The following SENP6 variants were observed in gnomAD, a reference collection of about 807,000 sequenced individuals.
SENP6 encodes the protein SUMO specific peptidase 6, also known as sentrin-specific protease 6.
SENP6 carries 41 observed loss-of-function variants against 134.5 expected under a neutral mutation model. That is an observed-to-expected ratio of 0.30 (90% CI 0.24 to 0.40). The LOEUF (loss-of-function observed/expected upper bound fraction) is 0.40. Among genes scored for constraint, SENP6 ranks in the 10% least tolerant of loss-of-function variants. The probability of loss-of-function intolerance (pLI) is 1.00; values close to 1 mark genes in which losing one functional copy is unlikely to be tolerated. For missense variants in SENP6, 1,248 were observed against 1,312.5 expected (o/e 0.95, Z 0.76); for synonymous variants, 395 against 429.8 (o/e 0.92, Z 1.00).
Position 75,703,088 on chromosome 6 carries a change from T to G in SENP6, c.2716+16T>G. 6.6e-7 allele frequency: 1 copy of G among 1,525,626 alleles called. No individual in the cohort carries two copies. The allele number at this position is 1,525,626 out of a possible 1,614,324, so 94.5% of individuals were successfully genotyped here. A position where few individuals can be genotyped will look rare whatever the true frequency, so the allele number is the denominator to read the frequency against. On this transcript the variant is annotated intron_variant, in intron 19 of 23. Transcript: ENST00000447266. ...CATCATACAGGTATGTATCTAAATG[T>G]TTTGAAAGAATGAAAAAATTCAGAA...
At chr6:75,699,951 C>T (rs565187117) in intron 18 of SENP6, among the ~76,000 whole-genome samples, 7 of 152,244 alleles carry the variant, frequency 4.6e-5, no homozygotes, top group Non-Finnish European at 1.0e-4. Context: ...CATTCTGTTG[C>T]CCAAGCTGGA....
At chr6:75,653,928 A>G in intron 7 of SENP6, among the ~76,000 whole-genome samples, 1 of 152,152 alleles carries the variant, frequency 6.6e-6, no homozygotes, top group Non-Finnish European at 1.5e-5. Context: ...TTAAATCTTC[A>G]CACACAAAGA....
chr6:75,658,998 AAAG>A (rs1471124198), intron 7 of SENP6, among the ~76,000 whole-genome samples: 7 of 148,228 alleles, frequency 4.7e-5, no homozygotes, highest in East Asian at 2.0e-4. Flanking sequence ...AAAAAAAAAA[AAAG>A]GGGAATTGTG....
Position 75,663,450 on chromosome 6 carries a change from G to A in SENP6, c.926G>A (p.Gly309Glu), listed in dbSNP as rs192697183. 10 of 1,612,456 alleles carry A rather than the reference G, an allele frequency of 6.2e-6. No individual in the cohort carries two copies. The Admixed American group carries it at 1.0e-4, about 16-fold the overall frequency. The change falls in exon 9 of 24, where the codon GGG (glycine) becomes GAG (glutamate). Residue 309 changes from glycine (G) to glutamate (E), a missense_variant. Gly to Glu is a moderately conservative substitution (Grantham distance 98, BLOSUM62 -2). Coordinates refer to ENST00000447266, the MANE Select transcript of SENP6 (RefSeq NM_015571.4). ...LQTNGKVILP[G>E]AKIPKITNLK... ...ACTAATGGAAAAGTCATTTTACCTG[G>A]GGCAAAAATACCCAAAATCACAAAC... is the stretch of plus-strand genomic sequence containing the variant.
At chr6:75,669,851 A>G (rs1772529329) in intron 10 of SENP6, among the ~76,000 whole-genome samples, 1 of 152,214 alleles carries the variant, frequency 6.6e-6, no homozygotes, top group Non-Finnish European at 1.5e-5. Flanking sequence ...TTATGCATTA[A>G]CTCAGTTGAG....
At chr6:75,615,352 G>A (rs1015173238) in intron 1 of SENP6, among the ~76,000 whole-genome samples, 2 of 151,808 alleles carry the variant, frequency 1.3e-5, no homozygotes, top group Non-Finnish European at 2.9e-5. Context: ...GCTAATTTTT[G>A]TATTTTTAGT....
rs774977953 is a variant in SENP6 at position 75,654,391 on chromosome 6, G to A, written c.551-4871G>A. Reference sequence around the variant, plus strand: ...TCTTATTTGAACAAATAATGTATTTGATTGGAGAATGGGTAGAGGATAGCC... The same window carrying A: ...TCTTATTTGAACAAATAATGTATTTAATTGGAGAATGGGTAGAGGATAGCC... On this transcript the variant is annotated intron_variant, in intron 7 of 23. Transcript: ENST00000447266. 2.4e-4 allele frequency among the ~76,000 whole-genome samples: 37 copies of A among 152,332 alleles called. No individual in the cohort carries two copies. In the Middle Eastern group the frequency reaches 0.01, roughly 42 times the overall value.
chr6:75,692,907 CA>C (rs61197850), intron 16 of SENP6, among the ~76,000 whole-genome samples: 4 of 149,824 alleles, frequency 2.7e-5, no homozygotes, highest in South Asian at 2.1e-4. Flanking sequence ...TTACCCCCAC[CA>C]AAAAAAAACA....
At chr6:75,629,823 C>G (rs1330410804) in intron 3 of SENP6, among the ~76,000 whole-genome samples, 2 of 152,068 alleles carry the variant, frequency 1.3e-5, no homozygotes, top group Admixed American at 6.6e-5. Flanking sequence ...TTTATGTGAG[C>G]CACATTTGAG....
chr6:75,647,169 T>C (rs2067815628), intron 6 of SENP6: 1 of 152,336 alleles, frequency 6.6e-6, no homozygotes, highest in African/African-American at 2.4e-5. Context: ...TGATGCGCTT[T>C]TATACAATTA....
At position 75,607,547 on chromosome 6, in the gene SENP6, C is replaced by CT. The variant is rs74490557; in HGVS notation, c.52+4981dup. ...CTTGTTCATATCTAGTTTTCTTTTC[C>CT]TTTTTTTTTTAACCAAGTGAATTCC... On this transcript the variant is annotated intron_variant, in intron 1 of 23. Transcript: ENST00000447266. 0.011 allele frequency among the ~76,000 whole-genome samples: 1,644 copies of CT among 147,812 alleles called. 61 individuals are homozygous for CT. The East Asian group carries it at 0.14, about 13-fold the overall frequency.
chr6:75,626,218 G>C (rs1263106888), intron 3 of SENP6, among the ~76,000 whole-genome samples: 2 of 151,546 alleles, frequency 1.3e-5, no homozygotes. Context: ...AAATTTTTTG[G>C]ATGGTTTCAG....
chr6:75,708,313 A>G (rs894844091), intron 19 of SENP6, among the ~76,000 whole-genome samples: 3 of 152,082 alleles, frequency 2.0e-5, no homozygotes, highest in African/African-American at 7.2e-5. Flanking sequence ...CTTCCTTTTC[A>G]TCCCATCTTG....
At chr6:75,672,965 C>T (rs545670964) in intron 11 of SENP6, among the ~76,000 whole-genome samples, 130 of 151,912 alleles carry the variant, frequency 8.6e-4, no homozygotes, top group African/African-American at 3.0e-3. Context: ...GTAGCTGGGA[C>T]TACAGGCACC....
chr6:75,621,537 G>T lies in SENP6; in HGVS notation c.58G>T (p.Ala20Ser), dbSNP rs376091484. The T allele has an allele frequency of 1.9e-6, 3 of 1,603,124 alleles. No homozygotes were observed. Among genetic ancestry groups the T allele is most frequent in the African/African-American group, 1.3e-5 (1 of 74,704 alleles). The change falls in exon 2 of 24, where the codon GCT becomes TCT. Residue 20 changes from alanine to serine, a missense_variant. This residue lies in a region of SENP6 where 733 missense variants were observed against 725.4 expected (regional missense o/e 1.01). Transcript: ENST00000447266. ...GCAGTTTGTTTTTATTTCAGCTTTG[G>T]CTAGATCAGAGTCTAAGAGAGATGG... ...AGEITFLEAL[A>S]RSESKRDGGF...
At chr6:75,634,246 A>G (rs527968220) in intron 4 of SENP6, among the ~76,000 whole-genome samples, 1 of 152,268 alleles carries the variant, frequency 6.6e-6, no homozygotes, top group South Asian at 2.1e-4. Flanking sequence ...GTAACTTTCA[A>G]GTCAGTGGCA....
intron 6 of SENP6, among the ~76,000 whole-genome samples, chr6:75,645,279 A>G (rs1046260372): frequency 6.6e-6 from 1 of 152,228 alleles, no homozygotes; most frequent in Non-Finnish European, 1.5e-5. Context: ...GGAATTTGAA[A>G]TTTATACCTG....
At chr6:75,691,575 GTTTTGTT>G (rs1241127098) in intron 16 of SENP6, among the ~76,000 whole-genome samples, 97 of 151,660 alleles carry the variant, frequency 6.4e-4, no homozygotes, top group African/African-American at 2.0e-3. Flanking sequence ...TTGTTATTGT[GTTTTGTT>G]TTTTGTTTTT....
At chr6:75,671,146 C>A (rs2149873696) in intron 11 of SENP6, among the ~76,000 whole-genome samples, 2 of 152,280 alleles carry the variant, frequency 1.3e-5, no homozygotes, top group South Asian at 4.1e-4. Flanking sequence ...GCCCAAAGGA[C>A]TTTGTGTACT....
Sources: gnomAD v4.1 joint callset for allele counts (sites outside exome capture counted in the v4.1 genomes callset) on GRCh38, gnomAD v4.1.1 for gene constraint, gnomAD v4.1.1 regional missense constraint, MANE v1.5 for transcripts, NCBI Gene and HGNC (gene_info 2026-07-23, HGNC 2026-07-21) for gene names.